Variants in PCDHGA12 observed in about 807,000 individuals in gnomAD.
PCDHGA12 encodes protocadherin gamma subfamily A, 12.
In PCDHGA12, 43 loss-of-function variants were observed where a neutral mutation model predicts 61.1. That is an observed-to-expected ratio of 0.70 (90% confidence interval 0.55 to 0.91). PCDHGA12 has a LOEUF of 0.91. PCDHGA12 is among the 40% of genes least tolerant of loss of function. The probability of loss-of-function intolerance (pLI) is 0.00; values close to 1 mark genes in which losing one functional copy is unlikely to be tolerated. For missense variants in PCDHGA12, 1,236 were observed against 1,227.7 expected (o/e 1.01, Z -0.10); for synonymous variants, 520 against 542.9 (o/e 0.96, Z 0.59).
intron 1 of PCDHGA12, among the ~76,000 whole-genome samples, chr5:141,444,982 A>G (rs10066383): frequency 7.1e-4 from 108 of 152,272 alleles, no homozygotes; most frequent in African/African-American, 2.5e-3. Flanking sequence ...ATCCATGAAC[A>G]TGGTATATAT....
intron 1 of PCDHGA12, chr5:141,492,015 G>A (rs117345436): frequency 3.3e-6 from 2 of 600,492 alleles, no homozygotes; most frequent in African/African-American, 1.9e-5. Context: ...CGCGGGTGTC[G>A]GGGGTCCCGG....
intron 1 of PCDHGA12, chr5:141,484,949 A>G: frequency 1.8e-6 from 1 of 557,402 alleles, no homozygotes; most frequent in East Asian, 3.1e-5. Flanking sequence ...TGCTCAGCCT[A>G]TTGGCTGAGC....
rs776737236 is a variant in PCDHGA12, at chr5:141,431,439, G to T, written c.680G>T (p.Arg227Leu). 20 of 1,613,724 alleles carry T rather than the reference G, an allele frequency of 1.2e-5. No individual in the cohort carries two copies. The highest frequency in any genetic ancestry group is 4.5e-5 in the East Asian group (2 of 44,888). ...GGDPVRTGTA[R>L]IRVMVLDAND... Reference sequence around the variant, plus strand: ...GACCCGGTGCGCACAGGCACCGCGCGCATCCGCGTGATGGTTCTGGATGCG... The same window carrying T: ...GACCCGGTGCGCACAGGCACCGCGCTCATCCGCGTGATGGTTCTGGATGCG... The change falls in exon 1 of 4, where the codon CGC (arginine) becomes CTC (leucine). Residue 227 changes from arginine (R) to leucine (L), a missense_variant. Coordinates refer to ENST00000252085, the MANE Select transcript of PCDHGA12 (RefSeq NM_003735.3). This position sits in a 1 kb window ranked among gnomAD's most constrained non-coding sequence, Gnocchi z 4.8.
chr5:141,457,058 T>A (rs756862311), intron 1 of PCDHGA12, among the ~76,000 whole-genome samples: 2 of 152,230 alleles, frequency 1.3e-5, no homozygotes, highest in Non-Finnish European at 2.9e-5. Flanking sequence ...TCATGCTTCC[T>A]TTTTGCCAGT....
At position 141,477,938 on chromosome 5, in the gene PCDHGA12, T is replaced by C. The variant is rs1441443411; in HGVS notation, c.2425-16869T>C. The stretch of plus-strand genomic sequence containing the variant: ...TGCAGGGCACAATGCCTGGCTCTCC[T>C]ACAGTCTCTTGGGATCCCCTAACCA... On this transcript the variant is annotated intron_variant, in intron 1 of 3. Transcript: ENST00000252085. The surrounding 1 kb of genome is among the most constrained non-coding windows in gnomAD (Gnocchi z 4.9). The C allele has an allele frequency of 3.1e-6, 5 of 1,614,036 alleles. No homozygotes were observed. The highest frequency in any genetic ancestry group is 4.2e-6 in the Non-Finnish European group (5 of 1,180,030).
chr5:141,489,312 G>A lies in PCDHGA12; in HGVS notation c.2425-5495G>A, dbSNP rs745541067. The A allele has an allele frequency of 2.5e-6, 4 of 1,594,972 alleles. No homozygotes were observed. The highest frequency in any genetic ancestry group is 2.6e-6 in the Non-Finnish European group (3 of 1,169,822). On this transcript the variant is annotated intron_variant, in intron 1 of 3. Transcript: ENST00000252085. This position sits in a 1 kb window ranked among gnomAD's most constrained non-coding sequence, Gnocchi z 4.5. ...TGTGCATGTTGTCCTTGTGCTGCTG[G>A]GGCTGGGTGTCTGGGCAGCTTCGTT...
At position 141,490,258 on chromosome 5, in the gene PCDHGA12, G is replaced by A. The variant is rs776865457; in HGVS notation, c.2425-4549G>A. Reference sequence around the variant, plus strand: ...GGGCCACTGTGTGATTCAAGTGGATGTGGGGGATGTCAATGACAATGCCCC... The same window carrying A: ...GGGCCACTGTGTGATTCAAGTGGATATGGGGGATGTCAATGACAATGCCCC... On this transcript the variant is annotated intron_variant, in intron 1 of 3. Transcript: ENST00000252085. The surrounding 1 kb of genome is among the most constrained non-coding windows in gnomAD (Gnocchi z 5.4). 6.2e-7 allele frequency: 1 copy of A among 1,614,136 alleles called. No homozygotes were observed.
Position 141,432,436 on chromosome 5 carries a change from G to A in PCDHGA12, c.1677G>A (p.Ala559=), listed in dbSNP as rs753833603. The change falls in exon 1 of 4, where the codon GCG becomes GCA. Residue 559 remains alanine, a synonymous_variant. Coordinates refer to ENST00000252085, the MANE Select transcript of PCDHGA12 (RefSeq NM_003735.3). The surrounding 1 kb of genome is among the most constrained non-coding windows in gnomAD (Gnocchi z 6.0). ...SLFVLDQNDN[A]PEILYPALPT... ...TCGTGCTGGACCAGAACGACAATGC[G>A]CCCGAGATCCTGTACCCCGCCCTCC... The A allele has an allele frequency of 4.3e-6, 7 of 1,614,196 alleles. No homozygotes were observed. The highest frequency in any genetic ancestry group is 1.1e-5 in the South Asian group (1 of 91,084).
Position 141,476,091 on chromosome 5 carries a change from G to T in PCDHGA12, c.2425-18716G>T, listed in dbSNP as rs1470774975. The T allele has an allele frequency of 1.3e-6, 2 of 1,563,074 alleles. No homozygotes were observed. Among genetic ancestry groups the T allele is most frequent in the Non-Finnish European group, 1.7e-6 (2 of 1,159,286 alleles). On this transcript the variant is annotated intron_variant, in intron 1 of 3. Coordinates refer to ENST00000252085, the MANE Select transcript of PCDHGA12 (RefSeq NM_003735.3). This position sits in a 1 kb window ranked among gnomAD's most constrained non-coding sequence, Gnocchi z 7.6. ...AAATCTCAGGGACGATCTGGACCCC[G>T]CTGAGAGGAACTGCTTTTGAGTGAG...
At chr5:141,495,810 C>A (rs1003475681) in intron 2 of PCDHGA12, among the ~76,000 whole-genome samples, 2 of 152,088 alleles carry the variant, frequency 1.3e-5, no homozygotes, top group African/African-American at 4.8e-5. Flanking sequence ...CGTTTCCTAG[C>A]GCCTTGTGTT....
At chr5:141,492,161 TC>T (rs1269738341) in intron 1 of PCDHGA12, among the ~76,000 whole-genome samples, 2 of 152,142 alleles carry the variant, frequency 1.3e-5, no homozygotes, top group Admixed American at 6.5e-5. Context: ...ACCCTCCCTA[TC>T]CCCGCATCAC....
intron 1 of PCDHGA12, 144 bp from the exon 2 acceptor site, chr5:141,494,663 G>A: frequency 6.7e-7 from 1 of 1,499,356 alleles, no homozygotes; most frequent in Non-Finnish European, 9.0e-7. Flanking sequence ...TGTCTTTGGA[G>A]ATGAGTCCAC....
At chr5:141,494,064 G>T (rs1233070772) in intron 1 of PCDHGA12, among the ~76,000 whole-genome samples, 2 of 152,160 alleles carry the variant, frequency 1.3e-5, no homozygotes, top group South Asian at 2.1e-4. Flanking sequence ...TGTGGGAGCT[G>T]GATCCCTCCC....
chr5:141,506,304 C>A (rs569926873), intron 3 of PCDHGA12, among the ~76,000 whole-genome samples: 3 of 152,078 alleles, frequency 2.0e-5, no homozygotes, highest in Non-Finnish European at 4.4e-5. Context: ...CAAAAATTAG[C>A]TGGGCATGGT....
chr5:141,486,400 T>G lies in PCDHGA12; in HGVS notation c.2425-8407T>G. On this transcript the variant is annotated intron_variant, in intron 1 of 3. Transcript: ENST00000252085. This position sits in a 1 kb window ranked among gnomAD's most constrained non-coding sequence, Gnocchi z 5.0. Reference sequence around the variant, plus strand: ...TCAGGAACCAGTTCTCCCTGGTGACTGCTGGACCCTTGGATCGAGAGGCCA... The same window carrying G: ...TCAGGAACCAGTTCTCCCTGGTGACGGCTGGACCCTTGGATCGAGAGGCCA... 5.0e-6 allele frequency: 8 copies of G among 1,614,194 alleles called. No homozygotes were observed. The highest frequency in any genetic ancestry group is 6.8e-6 in the Non-Finnish European group (8 of 1,180,028).
At chr5:141,482,382 T>C (rs935517099) in intron 1 of PCDHGA12, among the ~76,000 whole-genome samples, 1 of 152,146 alleles carries the variant, frequency 6.6e-6, no homozygotes, top group Admixed American at 6.6e-5. Context: ...ATAAAGTCCC[T>C]GTATGGAGCA....
intron 1 of PCDHGA12, among the ~76,000 whole-genome samples, chr5:141,473,775 T>A (rs1219791398): frequency 6.6e-6 from 1 of 152,190 alleles, no homozygotes; most frequent in African/African-American, 2.4e-5. Flanking sequence ...ATTTGGTATT[T>A]TAATTCAAGA....
rs1488042504 is a variant in PCDHGA12, at chr5:141,511,552, T to C, written c.*379T>C. ...CCTCCTCCCCACCCCACTCCAACAG[T>C]TCCTCTTTCCCGAGTAAGGTGGTTG... On this transcript the variant is annotated 3_prime_UTR_variant, in exon 4 of 4. Coordinates refer to ENST00000252085, the MANE Select transcript of PCDHGA12 (RefSeq NM_003735.3). 1.3e-5 allele frequency: 4 copies of C among 304,316 alleles called. No individual in the cohort carries two copies. The highest frequency in any genetic ancestry group is 2.6e-5 in the Non-Finnish European group (4 of 156,548). The allele number at this position is 304,316 out of a possible 1,614,324, so 18.9% of individuals were successfully genotyped here.
intron 1 of PCDHGA12, among the ~76,000 whole-genome samples, chr5:141,469,490 G>A (rs1346871954): frequency 3.3e-5 from 5 of 152,146 alleles, no homozygotes; most frequent in East Asian, 3.9e-4. Context: ...CAGGAGAATC[G>A]CTTGAACCCG....
Sources: allele counts gnomAD v4.1 joint callset (sites outside exome capture counted in the v4.1 genomes callset), GRCh38; gene constraint gnomAD v4.1.1; non-coding constraint Gnocchi (gnomAD v3.1); transcripts MANE v1.5; gene names NCBI Gene and HGNC (gene_info 2026-07-23, HGNC 2026-07-21).